The following FAM193A variants were observed in gnomAD, a reference collection of about 807,000 sequenced individuals.
FAM193A encodes protein FAM193A.
FAM193A carries 22 observed loss-of-function variants against 126.5 expected under a neutral mutation model. The ratio of observed to expected loss-of-function variants is 0.17; its 90% CI spans 0.12 to 0.25. The LOEUF is 0.25. Among genes scored for constraint, FAM193A ranks in the 10% least tolerant of loss-of-function variants. FAM193A has a pLI of 1.00. For missense variants in FAM193A, 1,675 were observed against 1,672.8 expected, an observed-to-expected ratio of 1.00 and a Z score of -0.02; for synonymous variants, 761 against 646.8, an observed-to-expected ratio of 1.18 and a Z score of -2.68.
intron 13 of FAM193A, among the ~76,000 whole-genome samples, chr4:2,676,597 T>C (rs1193619198): frequency 6.6e-6 from 1 of 152,222 alleles, no homozygotes; most frequent in Non-Finnish European, 1.5e-5. Context: ...TTTCTCCCAT[T>C]CTGTGGGTTG....
At chr4:2,658,952 T>C (rs1712055756) in intron 8 of FAM193A, among the ~76,000 whole-genome samples, 1 of 152,166 alleles carries the variant, frequency 6.6e-6, no homozygotes, top group Non-Finnish European at 1.5e-5. Flanking sequence ...GGTTTCACCA[T>C]GTTGGCCAGG....
At chr4:2,671,727 T>G (rs1713816211) in intron 12 of FAM193A, among the ~76,000 whole-genome samples, 1 of 152,240 alleles carries the variant, frequency 6.6e-6, no homozygotes, top group African/African-American at 2.4e-5. Context: ...CTGCTTTGTT[T>G]TGGAGAATCC....
At chr4:2,572,183 AC>A (rs1263317403) in intron 1 of FAM193A, among the ~76,000 whole-genome samples, 22 of 121,734 alleles carry the variant, frequency 1.8e-4, no homozygotes, top group African/African-American at 5.8e-4. Context: ...AAAAAAAAAA[AC>A]TGGGTGTGGT....
chr4:2,537,371 C>T (rs1253574950), intron 1 of FAM193A, among the ~76,000 whole-genome samples: 1 of 152,182 alleles, frequency 6.6e-6, no homozygotes, highest in African/African-American at 2.4e-5. Flanking sequence ...CGTGACGCGG[C>T]CTCTGTCAGC....
chr4:2,647,652 G>C (rs961764568), intron 7 of FAM193A, among the ~76,000 whole-genome samples: 2 of 152,216 alleles, frequency 1.3e-5, no homozygotes, highest in African/African-American at 4.8e-5. Flanking sequence ...CTGTCAGACA[G>C]AGCAGGGCTT....
chr4:2,598,322 AT>A (rs1438856569), intron 2 of FAM193A, among the ~76,000 whole-genome samples: 2 of 152,152 alleles, frequency 1.3e-5, no homozygotes, highest in Non-Finnish European at 2.9e-5. Flanking sequence ...TTATTGAGTA[AT>A]TTTACAGATA....
chr4:2,688,073 GT>G (rs1380511747), intron 13 of FAM193A, among the ~76,000 whole-genome samples: 1 of 152,120 alleles, frequency 6.6e-6, no homozygotes, highest in Non-Finnish European at 1.5e-5. Flanking sequence ...TGATGACCAG[GT>G]TGCCCATAAC....
At chr4:2,602,199 ATGG>A (rs1236308679) in intron 2 of FAM193A, among the ~76,000 whole-genome samples, 1 of 149,076 alleles carries the variant, frequency 6.7e-6, no homozygotes, top group Non-Finnish European at 1.5e-5. Flanking sequence ...GGTTGATGCT[ATGG>A]TGAATGTGAT....
At chr4:2,676,018 T>C (rs1416753445) in intron 13 of FAM193A, among the ~76,000 whole-genome samples, 1 of 152,266 alleles carries the variant, frequency 6.6e-6, no homozygotes, top group Non-Finnish European at 1.5e-5. Context: ...GTACCCTATT[T>C]TGTGTCTCCA....
chr4:2,675,113 A>G (rs1025339816), intron 13 of FAM193A, among the ~76,000 whole-genome samples: 9 of 152,198 alleles, frequency 5.9e-5, no homozygotes, highest in Non-Finnish European at 1.3e-4. Context: ...CATGCAGTGT[A>G]TAATCTCTGG....
At chr4:2,642,527 A>T (rs1269699895) in intron 6 of FAM193A, among the ~76,000 whole-genome samples, 8 of 152,144 alleles carry the variant, frequency 5.3e-5, no homozygotes, top group Admixed American at 5.2e-4. Context: ...AATGTGGAGT[A>T]GGCTTTGTCC....
chr4:2,625,998 A>C (rs1422063710), intron 3 of FAM193A, among the ~76,000 whole-genome samples: 1 of 152,158 alleles, frequency 6.6e-6, no homozygotes, highest in Non-Finnish European at 1.5e-5. Flanking sequence ...TGCTGGGATT[A>C]CAGGCATGAG....
At chr4:2,658,596 G>A (rs1227276657) in intron 8 of FAM193A, among the ~76,000 whole-genome samples, 1 of 152,074 alleles carries the variant, frequency 6.6e-6, no homozygotes, top group Non-Finnish European at 1.5e-5. Flanking sequence ...TGGTCTTTCT[G>A]CAAATATTGG....
chr4:2,563,167 A>T, intron 1 of FAM193A, among the ~76,000 whole-genome samples: 1 of 146,898 alleles, frequency 6.8e-6, no homozygotes, highest in African/African-American at 2.5e-5. Context: ...CTGGTCTTGA[A>T]CTCCTGACCT....
At chr4:2,611,833 A>AATTTATATTTTG (rs1285101143) in intron 2 of FAM193A, among the ~76,000 whole-genome samples, 1 of 150,030 alleles carries the variant, frequency 6.7e-6, no homozygotes, top group East Asian at 1.9e-4. Context: ...ATTTTGATCA[A>AATTTATATTTTG]ATCCATTTTT....
intron 12 of FAM193A, among the ~76,000 whole-genome samples, chr4:2,669,744 AC>A (rs1713578886): frequency 6.6e-6 from 1 of 152,160 alleles, no homozygotes; most frequent in Non-Finnish European, 1.5e-5. Flanking sequence ...ATCAAATTCC[AC>A]ACCAGAGTGT....
At chr4:2,621,477 C>T (rs1451496802) in intron 2 of FAM193A, among the ~76,000 whole-genome samples, 3 of 152,174 alleles carry the variant, frequency 2.0e-5, no homozygotes, top group Non-Finnish European at 4.4e-5. Flanking sequence ...AAAAGCAGAA[C>T]TTTGACCTGA....
At chr4:2,645,400 A>G (rs565222949) in intron 6 of FAM193A, among the ~76,000 whole-genome samples, 8 of 151,844 alleles carry the variant, frequency 5.3e-5, no homozygotes, top group African/African-American at 9.7e-5. Context: ...CTGTCTCCCA[A>G]TCGCCATCTT....
At chr4:2,582,564 TAAA>T (rs1408940532) in intron 1 of FAM193A, among the ~76,000 whole-genome samples, 1 of 152,120 alleles carries the variant, frequency 6.6e-6, no homozygotes, top group Non-Finnish European at 1.5e-5. Context: ...TTTTCAGAAG[TAAA>T]GAAGTGATAG....
Sources: allele counts gnomAD v4.1 joint callset (sites outside exome capture counted in the v4.1 genomes callset), GRCh38; gene constraint gnomAD v4.1.1; transcripts MANE v1.5; gene names NCBI Gene and HGNC (gene_info 2026-07-23, HGNC 2026-07-21).